The following RASSF3 variants were observed in gnomAD, a reference collection of about 807,000 sequenced individuals.
The protein encoded by RASSF3 is Ras association domain family member 3.
RASSF3 carries 19 observed loss-of-function variants against 19.9 expected under a neutral mutation model. That is an observed-to-expected ratio of 0.96 (90% confidence interval 0.67 to 1.40). The LOEUF is 1.40. Ranked by LOEUF, RASSF3 falls within the 40% of genes most tolerant of loss-of-function variation. The pLI, the probability that RASSF3 is intolerant of heterozygous loss-of-function variation, is 0.00. For synonymous variants in RASSF3, 110 were observed against 104.2 expected (o/e 1.06, Z -0.34); for missense variants, 306 against 289.8 (o/e 1.06, Z -0.41).
intron 1 of RASSF3, among the ~76,000 whole-genome samples, chr12:64,639,337 C>T (rs572738510): frequency 1.0e-4 from 15 of 150,640 alleles, no homozygotes; most frequent in African/African-American, 2.5e-4. Context: ...TGAGAGACTC[C>T]GTAAAAAAGA....
chr12:64,665,246 TGAAATAATTATTATTTTG>T (rs1186310525), intron 1 of RASSF3, among the ~76,000 whole-genome samples: 9 of 152,316 alleles, frequency 5.9e-5, no homozygotes, highest in Admixed American at 1.3e-4. Flanking sequence ...TTCTCTTTTG[TGAAATAATTATTATTTTG>T]CAAGGCTCAT....
At chr12:64,576,569 A>G (rs891234178) in intron 2 of RASSF3, among the ~76,000 whole-genome samples, 2 of 152,208 alleles carry the variant, frequency 1.3e-5, no homozygotes, top group African/African-American at 4.8e-5. Flanking sequence ...TACAGCCCTC[A>G]GGTCAAATCT....
At chr12:64,600,021 G>A (rs1339462598) in intron 2 of RASSF3, among the ~76,000 whole-genome samples, 1 of 112,434 alleles carries the variant, frequency 8.9e-6, no homozygotes, top group African/African-American at 3.7e-5. Flanking sequence ...GAGAGAGAGA[G>A]AGACTCCATC....
rs559885586 is a variant in RASSF3, at chr12:64,556,638, A to G, written c.294+14933A>G. On this transcript the variant is annotated intron_variant, in intron 2 of 5. Coordinates refer to the RASSF3 transcript ENST00000637125. The stretch of plus-strand genomic sequence containing the variant: ...CTGCAGCCGGGGCCATCAGTCAGTT[A>G]TGCTCGCCACAGCAGAAGAGCTGAG... Among the ~76,000 whole-genome samples, 11 of 152,048 alleles carry G rather than the reference A, an allele frequency of 7.2e-5. No individual in the cohort carries two copies. The South Asian group carries it at 2.3e-3, about 32-fold the overall frequency.
upstream of RASSF3, among the ~76,000 whole-genome samples, chr12:64,530,349 C>G (rs1868681732): frequency 6.6e-6 from 1 of 151,048 alleles, no homozygotes; most frequent in South Asian, 2.1e-4. Flanking sequence ...CACCATGCTG[C>G]CTAGGCTGGT....
At chr12:64,578,025 C>G (rs1057276311) in intron 2 of RASSF3, among the ~76,000 whole-genome samples, 19 of 152,012 alleles carry the variant, frequency 1.2e-4, no homozygotes, top group African/African-American at 3.1e-4. Flanking sequence ...TTGAGACCAG[C>G]CTGGCCAACT....
intron 2 of RASSF3, among the ~76,000 whole-genome samples, chr12:64,552,564 C>CCT (rs1248563821): frequency 1.1e-4 from 17 of 152,182 alleles, no homozygotes; most frequent in Admixed American, 2.6e-4. Context: ...GTGTGTTGTT[C>CCT]CCCTCCCTGT....
chr12:64,544,749 C>T (rs550690308), downstream of RASSF3, among the ~76,000 whole-genome samples: 2 of 152,304 alleles, frequency 1.3e-5, no homozygotes, highest in African/African-American at 4.8e-5. Flanking sequence ...AATATTTATC[C>T]TTCCTGCATA....
At chr12:64,560,178 A>G (rs1426904795) in intron 2 of RASSF3, among the ~76,000 whole-genome samples, 1 of 152,176 alleles carries the variant, frequency 6.6e-6, no homozygotes, top group Admixed American at 6.5e-5. Context: ...CCCCCATCCC[A>G]TGTTTCAGAG....
chr12:64,539,065 AT>A (rs1868889730), intron 1 of RASSF3, among the ~76,000 whole-genome samples: 1 of 152,138 alleles, frequency 6.6e-6, no homozygotes, highest in Admixed American at 6.6e-5. Context: ...AAAAATTGGA[AT>A]TGTCTTAGTA....
chr12:64,591,521 CAT>C (rs1159556430), intron 2 of RASSF3, among the ~76,000 whole-genome samples: 2 of 151,988 alleles, frequency 1.3e-5, no homozygotes, highest in African/African-American at 4.8e-5. Flanking sequence ...ACAAACCAAT[CAT>C]GTGCATTTAG....
chr12:64,585,342 G>A (rs1215052580), intron 2 of RASSF3, among the ~76,000 whole-genome samples: 1 of 152,182 alleles, frequency 6.6e-6, no homozygotes, highest in Non-Finnish European at 1.5e-5. Flanking sequence ...TCTCCAGCAG[G>A]AGGGAGGCTG....
chr12:64,678,038 G>A (rs1872970849), intron 1 of RASSF3, among the ~76,000 whole-genome samples: 1 of 152,192 alleles, frequency 6.6e-6, no homozygotes, highest in Non-Finnish European at 1.5e-5. Context: ...CCCAGAGAAT[G>A]TTTTTCTCTT....
At chr12:64,664,349 T>C (rs1021581607) in intron 1 of RASSF3, among the ~76,000 whole-genome samples, 2 of 152,206 alleles carry the variant, frequency 1.3e-5, no homozygotes, top group Admixed American at 1.3e-4. Context: ...TTAAGAAAGC[T>C]TACCATAAAT....
chr12:64,644,201 A>T (rs996893176), intron 1 of RASSF3, among the ~76,000 whole-genome samples: 1 of 152,228 alleles, frequency 6.6e-6, no homozygotes, highest in Non-Finnish European at 1.5e-5. Flanking sequence ...AAGGTAGAGA[A>T]CCAGAAATAT....
At chr12:64,579,304 T>G (rs1299617659) in intron 2 of RASSF3, among the ~76,000 whole-genome samples, 1 of 151,026 alleles carries the variant, frequency 6.6e-6, no homozygotes, top group Non-Finnish European at 1.5e-5. Flanking sequence ...TGTTTTAATA[T>G]CTATTATTTG....
intron 1 of RASSF3, among the ~76,000 whole-genome samples, chr12:64,660,239 C>T (rs1268684431): frequency 2.0e-5 from 3 of 151,926 alleles, no homozygotes; most frequent in Non-Finnish European, 4.4e-5. Flanking sequence ...TAATTATTAA[C>T]CTAATGTTGC....
At chr12:64,670,617 C>T (rs1872672638) in intron 1 of RASSF3, among the ~76,000 whole-genome samples, 1 of 150,086 alleles carries the variant, frequency 6.7e-6, no homozygotes, top group Non-Finnish European at 1.5e-5. Context: ...ACAGCACTTG[C>T]ATGGTCCTTA....
At chr12:64,558,373 C>A (rs996330162) in intron 2 of RASSF3, among the ~76,000 whole-genome samples, 2 of 152,148 alleles carry the variant, frequency 1.3e-5, no homozygotes, top group African/African-American at 4.8e-5. Flanking sequence ...ATGGGAGATG[C>A]TTTCTGGTGG....
Sources: allele counts gnomAD v4.1 joint callset (sites outside exome capture counted in the v4.1 genomes callset), GRCh38; gene constraint gnomAD v4.1.1; transcripts MANE v1.5; gene names NCBI Gene and HGNC (gene_info 2026-07-23, HGNC 2026-07-21).